Variants in DNER observed in about 807,000 individuals in gnomAD.
DNER encodes delta and Notch-like epidermal growth factor-related receptor.
In DNER, 33 loss-of-function variants were observed where a neutral mutation model predicts 78.2. That is an observed-to-expected ratio of 0.42 (90% CI 0.32 to 0.56). DNER has a LOEUF of 0.56. DNER is among the 20% of genes least tolerant of loss of function. DNER has a pLI of 0.11. For missense variants in DNER, 918 were observed against 975.3 expected (o/e 0.94, Z 0.78); for synonymous variants, 417 against 384.8 (o/e 1.08, Z -0.98).
intron 1 of DNER, among the ~76,000 whole-genome samples, chr2:229,638,182 T>A (rs1230696947): frequency 3.3e-5 from 5 of 152,206 alleles, no homozygotes; most frequent in African/African-American, 1.2e-4. Context: ...CCTAGCAGGC[T>A]TTTTTATAGA....
chr2:229,386,113 C>T (rs1692857614), intron 11 of DNER, among the ~76,000 whole-genome samples: 1 of 152,094 alleles, frequency 6.6e-6, no homozygotes, highest in Non-Finnish European at 1.5e-5. Context: ...GTACTGGCAC[C>T]AAAACAGATG....
chr2:229,598,586 AG>A (rs1181336735), intron 1 of DNER, among the ~76,000 whole-genome samples: 7 of 130,070 alleles, frequency 5.4e-5, no homozygotes, highest in African/African-American at 1.9e-4. Context: ...TTTAATGCTG[AG>A]GGAGAGAATG....
At chr2:229,643,264 G>T (rs968381563) in intron 1 of DNER, among the ~76,000 whole-genome samples, 3 of 152,130 alleles carry the variant, frequency 2.0e-5, no homozygotes, top group African/African-American at 7.2e-5. Flanking sequence ...GTGGTCTCAG[G>T]AGGTACTACC....
intron 6 of DNER, among the ~76,000 whole-genome samples, chr2:229,499,710 T>C (rs1170342768): frequency 6.6e-6 from 1 of 150,854 alleles, no homozygotes; most frequent in Non-Finnish European, 1.5e-5. Context: ...AAAGCAAAAA[T>C]AGACAAACGG....
intron 8 of DNER, among the ~76,000 whole-genome samples, chr2:229,436,412 T>G (rs996305795): frequency 6.6e-6 from 1 of 152,178 alleles, no homozygotes; most frequent in African/African-American, 2.4e-5. Flanking sequence ...GATGAACATA[T>G]GTATGTATGT....
At chr2:229,444,648 G>A (rs982303464) in intron 8 of DNER, among the ~76,000 whole-genome samples, 1 of 152,170 alleles carries the variant, frequency 6.6e-6, no homozygotes. Flanking sequence ...CAGCACTGTG[G>A]GAGGCCGAGG....
intron 6 of DNER, among the ~76,000 whole-genome samples, chr2:229,511,763 A>G (rs768695645): frequency 2.0e-5 from 3 of 152,198 alleles, no homozygotes; most frequent in Admixed American, 1.3e-4. Context: ...CCAAGCCTCT[A>G]TTGGGCTGAG....
At chr2:229,519,249 T>C (rs974779223) in intron 5 of DNER, among the ~76,000 whole-genome samples, 2 of 152,238 alleles carry the variant, frequency 1.3e-5, no homozygotes. Context: ...TCTGTCATTT[T>C]ACCTCTCTCA....
At chr2:229,590,812 A>G (rs1697589345) in intron 2 of DNER, among the ~76,000 whole-genome samples, 1 of 152,200 alleles carries the variant, frequency 6.6e-6, no homozygotes, top group African/African-American at 2.4e-5. Flanking sequence ...TTCAAATCTC[A>G]TGTTGAAATG....
chr2:229,551,606 C>T (rs1247515578), intron 4 of DNER, among the ~76,000 whole-genome samples: 1 of 151,720 alleles, frequency 6.6e-6, no homozygotes, highest in Non-Finnish European at 1.5e-5. Context: ...TGCACTCCAG[C>T]CTGGGCAACA....
At chr2:229,553,577 C>A (rs1330965923) in intron 4 of DNER, among the ~76,000 whole-genome samples, 1 of 152,114 alleles carries the variant, frequency 6.6e-6, no homozygotes, top group Non-Finnish European at 1.5e-5. Context: ...GTAACTGTGC[C>A]GAGTGAGAAA....
In DNER at chr2:229,458,433, A is replaced by G. The variant is rs553129570; in HGVS notation, c.1262-10893T>C. Reference sequence around the variant, plus strand: ...TCAGAGAAGAAGCCCTTTCTTAGTAACTGACAGAATCAATTGACAAAATGA... The same window carrying G: ...TCAGAGAAGAAGCCCTTTCTTAGTAGCTGACAGAATCAATTGACAAAATGA... On this transcript the variant is annotated intron_variant, in intron 7 of 12. Transcript: ENST00000341772. Among the ~76,000 whole-genome samples the G allele has an allele frequency of 1.4e-4, 22 of 152,094 alleles. No homozygotes were observed. The Middle Eastern group carries it at 0.017, about 118-fold the overall frequency.
chr2:229,508,062 T>A (rs987182232), intron 6 of DNER, among the ~76,000 whole-genome samples: 25 of 151,906 alleles, frequency 1.6e-4, no homozygotes, highest in African/African-American at 6.0e-4. Flanking sequence ...CACATAAACA[T>A]ATGAAGAGGA....
intron 8 of DNER, among the ~76,000 whole-genome samples, chr2:229,441,791 G>T (rs569536176): frequency 6.6e-6 from 1 of 152,240 alleles, no homozygotes; most frequent in Non-Finnish European, 1.5e-5. Flanking sequence ...GTGTTATGTG[G>T]AATTGTTGAT....
At chr2:229,576,793 G>A (rs973898407) in intron 4 of DNER, among the ~76,000 whole-genome samples, 13 of 151,788 alleles carry the variant, frequency 8.6e-5, no homozygotes, top group Admixed American at 5.2e-4. Context: ...GAGAAATGAC[G>A]CCAGCTACAC....
At chr2:229,467,735 C>T (rs116123626) in intron 7 of DNER, among the ~76,000 whole-genome samples, 2,274 of 152,190 alleles carry the variant, frequency 0.015, 69 homozygotes, top group African/African-American at 0.052. Flanking sequence ...TTGTTGCATT[C>T]AAGAACCATG....
intron 11 of DNER, among the ~76,000 whole-genome samples, chr2:229,383,987 T>A (rs896837566): frequency 6.6e-6 from 1 of 152,148 alleles, no homozygotes; most frequent in African/African-American, 2.4e-5. Flanking sequence ...GCACTTATTC[T>A]AAGATTGACC....
At chr2:229,468,837 C>A (rs1348947547) in intron 7 of DNER, among the ~76,000 whole-genome samples, 1 of 152,064 alleles carries the variant, frequency 6.6e-6, no homozygotes, top group Non-Finnish European at 1.5e-5. Flanking sequence ...GGGTTCTGGG[C>A]AGGAAGACAG....
chr2:229,520,195 A>C (rs1241716223), intron 5 of DNER, among the ~76,000 whole-genome samples: 2 of 152,210 alleles, frequency 1.3e-5, no homozygotes, highest in Non-Finnish European at 2.9e-5. Context: ...AGAGTTCTGC[A>C]CAGGCACAGG....
Sources: gnomAD v4.1 joint callset for allele counts (sites outside exome capture counted in the v4.1 genomes callset) on GRCh38, gnomAD v4.1.1 for gene constraint, MANE v1.5 for transcripts, NCBI Gene and HGNC (gene_info 2026-07-23, HGNC 2026-07-21) for gene names.